The following CLYBL variants were observed in gnomAD, a reference collection of about 807,000 sequenced individuals.
CLYBL encodes the protein citramalyl-CoA lyase, mitochondrial.
In CLYBL, 31 loss-of-function variants were observed where a neutral mutation model predicts 38.9. The ratio of observed to expected loss-of-function variants is 0.80; its 90% confidence interval spans 0.60 to 1.08. The LOEUF (loss-of-function observed/expected upper bound fraction) is 1.08, where lower values mean the gene tolerates loss of function less well. Ranked by LOEUF, CLYBL falls within the 50% of genes least tolerant of loss-of-function variation. The pLI is 0.00. For synonymous variants in CLYBL, 171 were observed against 158.6 expected (o/e 1.08, Z -0.59); for missense variants, 434 against 411.6 (o/e 1.05, Z -0.47).
rs375933728 is a variant in CLYBL at position 99,783,235 on chromosome 13, G to A, written c.249+10225G>A. ...TTTTTGTATTTTTAGTAGAGATGGG[G>A]TTTCACCATGTTGGCCAGGCTGGTC... On this transcript the variant is annotated intron_variant, in intron 2 of 8. Coordinates refer to ENST00000339105, the MANE Select transcript of CLYBL (RefSeq NM_206808.5). Among the ~76,000 whole-genome samples, 45 of 151,866 alleles carry A rather than the reference G, an allele frequency of 3.0e-4. No homozygotes were observed. The South Asian group carries it at 8.1e-3, about 27-fold the overall frequency.
intron 1 of CLYBL, among the ~76,000 whole-genome samples, chr13:99,676,500 G>A (rs2047654283): frequency 6.6e-6 from 1 of 151,590 alleles, no homozygotes; most frequent in African/African-American, 2.4e-5. Flanking sequence ...ATTTCGCCAT[G>A]TTGGCCAGGC....
In CLYBL at chr13:99,862,972, A is replaced by G. The variant is rs775702315; in HGVS notation, c.439-19A>G. ...TACATTTTTTCCCCACTAATCACCT[A>G]TGACACTTCTGATTTTAGTTTGCAG... On this transcript the variant is annotated intron_variant, in intron 3 of 8. Coordinates refer to ENST00000339105, the MANE Select transcript of CLYBL (RefSeq NM_206808.5). 2.0e-6 allele frequency: 3 copies of G among 1,485,210 alleles called. No homozygotes were observed. The highest frequency in any genetic ancestry group is 2.3e-5 in the East Asian group (1 of 43,986). 92.0% of individuals were successfully genotyped at this position (1,485,210 alleles called of 1,614,324 possible).
chr13:99,631,614 T>C (rs2046946248), intron 1 of CLYBL, among the ~76,000 whole-genome samples: 1 of 152,024 alleles, frequency 6.6e-6, no homozygotes, highest in African/African-American at 2.4e-5. Flanking sequence ...ATTTTTTTTT[T>C]TTGAGTTGGA....
chr13:99,810,533 C>T (rs905803548), intron 2 of CLYBL, among the ~76,000 whole-genome samples: 3 of 152,194 alleles, frequency 2.0e-5, no homozygotes, highest in African/African-American at 4.8e-5. Flanking sequence ...TTGGCTGGAG[C>T]GGCCAGAGCC....
chr13:99,787,475 G>A (rs890293092), intron 2 of CLYBL, among the ~76,000 whole-genome samples: 3 of 152,078 alleles, frequency 2.0e-5, no homozygotes, highest in Admixed American at 6.5e-5. Flanking sequence ...CCCATTTCTT[G>A]TTTTTGTCAG....
intron 1 of CLYBL, among the ~76,000 whole-genome samples, chr13:99,666,808 T>G (rs779193115): frequency 3.6e-4 from 55 of 152,186 alleles, no homozygotes; most frequent in Non-Finnish European, 6.6e-4. Context: ...CCACCAGAGA[T>G]GGACAAACCC....
intron 2 of CLYBL, among the ~76,000 whole-genome samples, chr13:99,791,282 C>G (rs906712910): frequency 6.6e-6 from 1 of 152,044 alleles, no homozygotes; most frequent in Non-Finnish European, 1.5e-5. Flanking sequence ...ACACACCACC[C>G]ACCACAGGGC....
At chr13:99,757,759 AC>A (rs1173666152) in intron 1 of CLYBL, among the ~76,000 whole-genome samples, 2 of 152,162 alleles carry the variant, frequency 1.3e-5, no homozygotes, top group African/African-American at 4.8e-5. Context: ...GCGCCTGGCC[AC>A]CTTGGCAACT....
intron 2 of CLYBL, among the ~76,000 whole-genome samples, chr13:99,819,856 T>A (rs891051629): frequency 6.6e-6 from 1 of 152,140 alleles, no homozygotes; most frequent in African/African-American, 2.4e-5. Flanking sequence ...TTACTTAGTC[T>A]ATTGATTCGA....
intron 1 of CLYBL, among the ~76,000 whole-genome samples, chr13:99,626,868 T>C (rs1212742803): frequency 6.6e-6 from 1 of 151,728 alleles, no homozygotes; most frequent in Non-Finnish European, 1.5e-5. Flanking sequence ...GACATGACAT[T>C]CCAGAGCTTC....
intron 2 of CLYBL, among the ~76,000 whole-genome samples, chr13:99,825,375 T>C (rs1242802288): frequency 1.3e-5 from 2 of 152,176 alleles, no homozygotes; most frequent in East Asian, 1.9e-4. Context: ...AGTAAGTGCG[T>C]GTGAATGCCC....
chr13:99,620,177 A>G (rs1288565234), intron 1 of CLYBL, among the ~76,000 whole-genome samples: 1 of 152,214 alleles, frequency 6.6e-6, no homozygotes. Flanking sequence ...GAGACGCAGA[A>G]CCTAAAAGAA....
chr13:99,660,538 C>G (rs2047394338), intron 1 of CLYBL, among the ~76,000 whole-genome samples: 1 of 152,166 alleles, frequency 6.6e-6, no homozygotes, highest in African/African-American at 2.4e-5. Flanking sequence ...AGTTTATACT[C>G]CTGTGTTCTC....
chr13:99,644,061 G>A lies in CLYBL; in HGVS notation c.62+37304G>A, dbSNP rs1169369600. Reference sequence around the variant, plus strand: ...CATAATAGGAAATATTCAATTCTGAGCCCATCACACATTTTGTCTTATGAA... The same window carrying A: ...CATAATAGGAAATATTCAATTCTGAACCCATCACACATTTTGTCTTATGAA... On this transcript the variant is annotated intron_variant, in intron 1 of 8. Coordinates refer to ENST00000339105, the MANE Select transcript of CLYBL (RefSeq NM_206808.5). 3.3e-5 allele frequency among the ~76,000 whole-genome samples: 5 copies of A among 149,822 alleles called. No individual in the cohort carries two copies. In the East Asian group the frequency reaches 7.8e-4, roughly 23 times the overall value.
intron 1 of CLYBL, among the ~76,000 whole-genome samples, chr13:99,667,390 A>G (rs1379099758): frequency 6.7e-6 from 1 of 150,004 alleles, no homozygotes; most frequent in African/African-American, 2.5e-5. Context: ...ACATAGGGAC[A>G]TTATGGAAAG....
chr13:99,616,910 C>G (rs940277753), intron 1 of CLYBL, among the ~76,000 whole-genome samples: 23 of 152,020 alleles, frequency 1.5e-4, no homozygotes, highest in Non-Finnish European at 1.6e-4. Flanking sequence ...GAGCCAAGAT[C>G]ATGCCACTGC....
At chr13:99,776,432 G>A (rs1198908685) in intron 2 of CLYBL, among the ~76,000 whole-genome samples, 2 of 149,288 alleles carry the variant, frequency 1.3e-5, no homozygotes, top group Non-Finnish European at 3.0e-5. Flanking sequence ...GGAGGCAGAG[G>A]TTGTAGTGAG....
chr13:99,761,090 A>G (rs993732715), intron 1 of CLYBL, among the ~76,000 whole-genome samples: 4 of 152,218 alleles, frequency 2.6e-5, no homozygotes, highest in African/African-American at 9.6e-5. Context: ...GCAGTGGCTC[A>G]TGCCTGTAAT....
At chr13:99,610,994 A>G (rs1429428134) in intron 1 of CLYBL, among the ~76,000 whole-genome samples, 2 of 152,338 alleles carry the variant, frequency 1.3e-5, no homozygotes, top group Admixed American at 6.5e-5. Flanking sequence ...AGGGTCTTCC[A>G]AGGAACCACA....
Sources: gnomAD v4.1 joint callset for allele counts (sites outside exome capture counted in the v4.1 genomes callset) on GRCh38, gnomAD v4.1.1 for gene constraint, MANE v1.5 for transcripts, NCBI Gene and HGNC (gene_info 2026-07-23, HGNC 2026-07-21) for gene names.